GRM8: variants seen among roughly 807,000 people sequenced by gnomAD.
GRM8 encodes metabotropic glutamate receptor 8.
A neutral mutation model predicts 87.2 loss-of-function variants in GRM8; 47 were observed. The ratio of observed to expected loss-of-function variants is 0.54; its 90% CI spans 0.43 to 0.69. The LOEUF (loss-of-function observed/expected upper bound fraction) is 0.69. Ranked by LOEUF, GRM8 falls within the 30% of genes least tolerant of loss-of-function variation. The pLI, the probability that GRM8 is intolerant of heterozygous loss-of-function variation, is 0.00. For missense variants in GRM8, 1,019 were observed against 1,139.2 expected, an observed-to-expected ratio of 0.89 and a Z score of 1.52; for synonymous variants, 396 against 404.5, an observed-to-expected ratio of 0.98 and a Z score of 0.25.
intron 8 of GRM8, among the ~76,000 whole-genome samples, chr7:126,574,392 T>A (rs1445501272): frequency 6.6e-6 from 1 of 152,176 alleles, no homozygotes; most frequent in Non-Finnish European, 1.5e-5. Context: ...GACTGCAGGC[T>A]TGGCAAGCAG....
At chr7:126,439,412 C>T (rs1801200281) in intron 10 of GRM8, among the ~76,000 whole-genome samples, 1 of 152,130 alleles carries the variant, frequency 6.6e-6, no homozygotes, top group Admixed American at 6.6e-5. Context: ...TTCCTATCAC[C>T]CAGTGAACAC....
chr7:127,218,120 C>T (rs1476719009), intron 2 of GRM8, among the ~76,000 whole-genome samples: 1 of 152,222 alleles, frequency 6.6e-6, no homozygotes, highest in Non-Finnish European at 1.5e-5. Flanking sequence ...AAGGAGAGAA[C>T]CACTACCTCT....
chr7:126,731,163 G>T (rs576418601), intron 7 of GRM8, among the ~76,000 whole-genome samples: 1 of 152,138 alleles, frequency 6.6e-6, no homozygotes, highest in African/African-American at 2.4e-5. Flanking sequence ...TCTTCTCCTG[G>T]TGTCCCAATG....
At chr7:126,794,542 C>A (rs991907738) in intron 6 of GRM8, among the ~76,000 whole-genome samples, 1 of 152,072 alleles carries the variant, frequency 6.6e-6, no homozygotes, top group Admixed American at 6.6e-5. Flanking sequence ...TCTTCCTAAT[C>A]AATATCATTT....
intron 7 of GRM8, among the ~76,000 whole-genome samples, chr7:126,718,018 G>T (rs1430445369): frequency 6.6e-6 from 1 of 151,928 alleles, no homozygotes; most frequent in Non-Finnish European, 1.5e-5. Context: ...GGATCACAAG[G>T]TCAGGAGATC....
At chr7:126,855,207 T>G (rs986445280) in intron 6 of GRM8, among the ~76,000 whole-genome samples, 1 of 152,190 alleles carries the variant, frequency 6.6e-6, no homozygotes, top group Non-Finnish European at 1.5e-5. Flanking sequence ...TTACTCATAA[T>G]AGTTGTACCT....
At chr7:127,184,863 G>A (rs1396675569) in intron 2 of GRM8, among the ~76,000 whole-genome samples, 2 of 151,836 alleles carry the variant, frequency 1.3e-5, no homozygotes, top group East Asian at 3.8e-4. Context: ...TTTGAAATGA[G>A]AGAAAATACA....
chr7:126,549,578 AG>A (rs1271602161), intron 8 of GRM8, among the ~76,000 whole-genome samples: 1 of 152,192 alleles, frequency 6.6e-6, no homozygotes, highest in Non-Finnish European at 1.5e-5. Context: ...ATATATTTCT[AG>A]TTATTCTGCC....
intron 7 of GRM8, among the ~76,000 whole-genome samples, chr7:126,724,748 T>G (rs1352652767): frequency 6.7e-6 from 1 of 148,664 alleles, no homozygotes. Context: ...ATATGTATAA[T>G]AAACTATTTG....
chr7:126,631,599 A>T (rs1801268718), intron 7 of GRM8, among the ~76,000 whole-genome samples: 1 of 151,672 alleles, frequency 6.6e-6, no homozygotes, highest in Admixed American at 6.6e-5. Flanking sequence ...AAAAAGGAAC[A>T]AACCTGGAGG....
intron 3 of GRM8, chr7:127,080,786 G>A (rs1421551980): frequency 1.3e-5 from 2 of 152,196 alleles, no homozygotes; most frequent in Non-Finnish European, 2.9e-5. Flanking sequence ...ACATGCTAAG[G>A]GTAGAAGCAC....
At chr7:126,834,967 T>C (rs1185004438) in intron 6 of GRM8, among the ~76,000 whole-genome samples, 2 of 151,598 alleles carry the variant, frequency 1.3e-5, no homozygotes, top group Non-Finnish European at 2.9e-5. Flanking sequence ...TCCCAGCTAT[T>C]TGGGAGGCTG....
chr7:126,811,868 T>C (rs756270164), intron 6 of GRM8, among the ~76,000 whole-genome samples: 5 of 152,076 alleles, frequency 3.3e-5, no homozygotes, highest in Non-Finnish European at 7.4e-5. Context: ...TCTTGCCTAA[T>C]TGCTGTGGCT....
rs540062652 is a variant in GRM8, at chr7:126,462,095, T to C, written c.2431-15723A>G. On this transcript the variant is annotated intron_variant, in intron 9 of 10. Transcript: ENST00000339582. ...TTAATATAAATGTGTACAGGAATCT[T>C]TTGCAATAAAACTAGTTATGACTTG... 3.3e-5 allele frequency among the ~76,000 whole-genome samples: 5 copies of C among 151,406 alleles called. No homozygotes were observed. In the South Asian group the frequency reaches 1.0e-3, roughly 31 times the overall value.
intron 3 of GRM8, among the ~76,000 whole-genome samples, chr7:126,998,008 T>C (rs1211287224): frequency 2.0e-5 from 3 of 151,876 alleles, no homozygotes; most frequent in African/African-American, 7.2e-5. Flanking sequence ...CCCCGACGAA[T>C]GTTGATAGAA....
chr7:126,534,778 T>C (rs1382618529), intron 8 of GRM8, among the ~76,000 whole-genome samples: 2 of 152,230 alleles, frequency 1.3e-5, no homozygotes, highest in East Asian at 3.9e-4. Context: ...AGAATGCTAA[T>C]AGGACAAAAC....
At chr7:126,611,077 TTAC>T (rs1233530651) in intron 7 of GRM8, among the ~76,000 whole-genome samples, 2 of 152,226 alleles carry the variant, frequency 1.3e-5, no homozygotes, top group Non-Finnish European at 2.9e-5. Context: ...TACATTATTA[TTAC>T]TATTATTATT....
chr7:127,059,618 G>A (rs1411329979), intron 3 of GRM8, among the ~76,000 whole-genome samples: 1 of 152,130 alleles, frequency 6.6e-6, no homozygotes, highest in Non-Finnish European at 1.5e-5. Flanking sequence ...TGACAGGCAT[G>A]AGCCACCGCG....
At chr7:127,233,977 C>G (rs1040458655) in intron 2 of GRM8, among the ~76,000 whole-genome samples, 3 of 152,008 alleles carry the variant, frequency 2.0e-5, no homozygotes, top group African/African-American at 7.3e-5. Context: ...AGGAAAAGCC[C>G]CCAATTACAG....
Sources: gnomAD v4.1 joint callset for allele counts (sites outside exome capture counted in the v4.1 genomes callset) on GRCh38, gnomAD v4.1.1 for gene constraint, MANE v1.5 for transcripts, NCBI Gene and HGNC (gene_info 2026-07-23, HGNC 2026-07-21) for gene names.